The following ARHGAP26 variants were observed in gnomAD, a reference collection of about 807,000 sequenced individuals.
ARHGAP26 encodes Rho GTPase activating protein 26.
A neutral mutation model predicts 104.8 loss-of-function variants in ARHGAP26; 38 were observed. That is an observed-to-expected ratio of 0.36 (90% CI 0.28 to 0.48). The LOEUF (loss-of-function observed/expected upper bound fraction) is 0.48, where lower values mean the gene tolerates loss of function less well. ARHGAP26 is among the 20% of genes least tolerant of loss of function. The pLI, the probability that ARHGAP26 is intolerant of heterozygous loss-of-function variation, is 0.99. For synonymous variants in ARHGAP26, 341 were observed against 340.0 expected, an observed-to-expected ratio of 1.00 and a Z score of -0.03; for missense variants, 704 against 947.9, an observed-to-expected ratio of 0.74 and a Z score of 3.38.
intron 15 of ARHGAP26, among the ~76,000 whole-genome samples, chr5:143,054,918 A>C (rs1785578459): frequency 2.0e-5 from 3 of 152,248 alleles, no homozygotes; most frequent in Admixed American, 2.0e-4. Flanking sequence ...CATACTTTAC[A>C]CAGAGTACAT....
intron 1 of ARHGAP26, chr5:142,867,872 C>T (rs564691152): frequency 6.6e-6 from 1 of 151,938 alleles, no homozygotes; most frequent in South Asian, 2.1e-4. Context: ...TTTTTTTTCA[C>T]ATGTCAAACA....
chr5:143,186,918 T>C (rs1384578871), intron 20 of ARHGAP26, among the ~76,000 whole-genome samples: 2 of 152,186 alleles, frequency 1.3e-5, no homozygotes, highest in Non-Finnish European at 2.9e-5. Context: ...TGTGGATCAG[T>C]GCCTTAGGAT....
chr5:143,183,293 T>G (rs898512580), intron 20 of ARHGAP26, among the ~76,000 whole-genome samples: 12 of 152,158 alleles, frequency 7.9e-5, no homozygotes, highest in African/African-American at 2.9e-4. Flanking sequence ...GAATGCCAAA[T>G]TCATATACAT....
intron 20 of ARHGAP26, among the ~76,000 whole-genome samples, chr5:143,201,656 G>T (rs1807745580): frequency 6.6e-6 from 1 of 152,188 alleles, no homozygotes; most frequent in Non-Finnish European, 1.5e-5. Context: ...AACCATCCCT[G>T]TGCGTCTTAT....
At chr5:143,017,455 A>G (rs745821538) in intron 12 of ARHGAP26, among the ~76,000 whole-genome samples, 5 of 152,174 alleles carry the variant, frequency 3.3e-5, no homozygotes, top group Non-Finnish European at 7.3e-5. Context: ...TAGAGAGATG[A>G]ATTCATCACA....
chr5:143,097,294 G>A (rs1158749386), intron 17 of ARHGAP26, among the ~76,000 whole-genome samples: 2 of 143,770 alleles, frequency 1.4e-5, no homozygotes, highest in African/African-American at 5.2e-5. Flanking sequence ...GCAGTGAGCC[G>A]AGATTGTACC....
chr5:142,870,185 A>G lies in ARHGAP26; in HGVS notation c.155-3215A>G, dbSNP rs149952949. On this transcript the variant is annotated intron_variant, in intron 1 of 22. Coordinates refer to ENST00000645722, the MANE Select transcript of ARHGAP26 (RefSeq NM_001135608.3). Reference sequence around the variant, plus strand: ...CCACGACGCTTGGCATGCACCCAGCACCAGTGCCAGCCTCTTCTCTTTTCT... The same window carrying G: ...CCACGACGCTTGGCATGCACCCAGCGCCAGTGCCAGCCTCTTCTCTTTTCT... Among the ~76,000 whole-genome samples, 15 of 152,328 alleles carry G rather than the reference A, an allele frequency of 9.8e-5. No individual in the cohort carries two copies. The East Asian group carries it at 2.7e-3, about 27-fold the overall frequency.
chr5:142,864,730 CTCTT>C (rs1315412686), intron 1 of ARHGAP26, among the ~76,000 whole-genome samples: 1 of 152,232 alleles, frequency 6.6e-6, no homozygotes, highest in Non-Finnish European at 1.5e-5. Context: ...CCTGTCCTCT[CTCTT>C]CCAGAACATG....
At chr5:142,910,306 C>T (rs1045954542) in intron 9 of ARHGAP26, among the ~76,000 whole-genome samples, 2 of 152,136 alleles carry the variant, frequency 1.3e-5, no homozygotes, top group African/African-American at 4.8e-5. Context: ...TCTCCTGATT[C>T]TGAACTCATT....
intron 11 of ARHGAP26, chr5:143,010,780 C>T (rs1414939642): frequency 3.3e-5 from 5 of 152,150 alleles, no homozygotes; most frequent in African/African-American, 1.2e-4. Flanking sequence ...AATTCATCTC[C>T]TAATGAAGGA....
In ARHGAP26 at chr5:142,903,408, G is replaced by A. The variant is rs1196374524; in HGVS notation, c.703-132G>A. The A allele has an allele frequency of 4.6e-5, 42 of 905,652 alleles. No homozygotes were observed. The Middle Eastern group carries it at 1.0e-3, about 22-fold the overall frequency. The allele number at this position is 905,652 out of a possible 1,614,324, so 56.1% of individuals were successfully genotyped here. A position where few individuals can be genotyped will look rare whatever the true frequency, so the allele number is the denominator to read the frequency against. On this transcript the variant is annotated intron_variant, in intron 7 of 22. Transcript: ENST00000645722. Reference sequence around the variant, plus strand: ...GCCAAAGTATACTTGTCATAAGGGAGTATTTGGCCAGTTCCTGGAAGGTTG... The same window carrying A: ...GCCAAAGTATACTTGTCATAAGGGAATATTTGGCCAGTTCCTGGAAGGTTG...
At chr5:143,073,798 CTG>C (rs1296792047) in intron 17 of ARHGAP26, among the ~76,000 whole-genome samples, 4 of 152,144 alleles carry the variant, frequency 2.6e-5, no homozygotes, top group Non-Finnish European at 4.4e-5. Flanking sequence ...TATGAAATAA[CTG>C]TGTGTGCTAT....
intron 11 of ARHGAP26, among the ~76,000 whole-genome samples, chr5:142,951,028 T>C (rs142866899): frequency 1.8e-4 from 3 of 16,718 alleles, no homozygotes; most frequent in Middle Eastern, 0.05. Flanking sequence ...CCTTTCTCTT[T>C]CCCTTTCCCT....
intron 22 of ARHGAP26, among the ~76,000 whole-genome samples, chr5:143,217,995 G>A (rs1002736551): frequency 5.3e-5 from 8 of 152,242 alleles, no homozygotes; most frequent in African/African-American, 1.9e-4. Context: ...TTGACATACT[G>A]CAGCTTTGCA....
chr5:142,813,351 CA>C (rs1476756478), intron 1 of ARHGAP26, among the ~76,000 whole-genome samples: 1 of 152,212 alleles, frequency 6.6e-6, no homozygotes, highest in African/African-American at 2.4e-5. Flanking sequence ...CCATTGACTT[CA>C]GCACTCAGTG....
chr5:143,096,310 G>T (rs749356218), intron 17 of ARHGAP26, among the ~76,000 whole-genome samples: 1 of 152,180 alleles, frequency 6.6e-6, no homozygotes, highest in South Asian at 2.1e-4. Flanking sequence ...TGTCATGCTC[G>T]TGGTGCAGAT....
intron 17 of ARHGAP26, among the ~76,000 whole-genome samples, chr5:143,076,712 GGTATTT>G (rs1789085766): frequency 1.3e-5 from 2 of 152,092 alleles, no homozygotes; most frequent in African/African-American, 4.8e-5. Flanking sequence ...ATAGACGTCT[GGTATTT>G]GTATATGTGT....
At chr5:142,983,524 G>C (rs1204039514) in intron 11 of ARHGAP26, among the ~76,000 whole-genome samples, 1 of 152,118 alleles carries the variant, frequency 6.6e-6, no homozygotes, top group Non-Finnish European at 1.5e-5. Context: ...TGTTTCTATT[G>C]TTTTCAAAAT....
intron 1 of ARHGAP26, among the ~76,000 whole-genome samples, chr5:142,835,458 G>A (rs1769368248): frequency 6.6e-6 from 1 of 152,186 alleles, no homozygotes; most frequent in Non-Finnish European, 1.5e-5. Context: ...GATACAAGAA[G>A]AGTCTCTGAT....
Sources: allele counts gnomAD v4.1 joint callset (sites outside exome capture counted in the v4.1 genomes callset), GRCh38; gene constraint gnomAD v4.1.1; transcripts MANE v1.5; gene names NCBI Gene and HGNC (gene_info 2026-07-23, HGNC 2026-07-21).